SHISA6: variants seen among roughly 807,000 people sequenced by gnomAD.
The protein encoded by SHISA6 is protein shisa-6.
In SHISA6, 22 loss-of-function variants were observed where a neutral mutation model predicts 47.9. The observed-to-expected ratio is 0.46, with a 90% confidence interval of 0.33 to 0.66. The LOEUF is 0.66. SHISA6 is among the 30% of genes least tolerant of loss of function. The pLI is 0.02. For synonymous variants in SHISA6, 388 were observed against 337.8 expected, an observed-to-expected ratio of 1.15 and a Z score of -1.63; for missense variants, 680 against 764.6, an observed-to-expected ratio of 0.89 and a Z score of 1.30.
At position 11,488,497 on chromosome 17, in the gene SHISA6, G is replaced by GA. The variant is rs370929753; in HGVS notation, c.896-63393dup. ...AGATCAACTCAAACTGGACTAAGCA[G>GA]AAAAAACATTATTTTTTCGTGGAAT... On this transcript the variant is annotated intron_variant, in intron 3 of 5. Coordinates refer to ENST00000441885, the MANE Select transcript of SHISA6 (RefSeq NM_207386.4). Among the ~76,000 whole-genome samples the GA allele has an allele frequency of 3.1e-4, 47 of 152,226 alleles. 1 individual carries two copies. The highest frequency in any genetic ancestry group is 1.0e-3 in the African/African-American group (43 of 41,548).
chr17:11,380,193 A>G (rs1476889410), intron 3 of SHISA6: 1 of 152,222 alleles, frequency 6.6e-6, no homozygotes, highest in South Asian at 2.1e-4. Context: ...CTGGATCCCT[A>G]ACTCCTTTAA....
chr17:11,519,779 C>T (rs1004773326), intron 3 of SHISA6, among the ~76,000 whole-genome samples: 17 of 152,184 alleles, frequency 1.1e-4, no homozygotes, highest in African/African-American at 3.4e-4. Context: ...AAGCCTGCTC[C>T]AGCTGAGGTC....
At chr17:11,242,522 C>T (rs1031555710) in intron 1 of SHISA6, among the ~76,000 whole-genome samples, 8 of 152,254 alleles carry the variant, frequency 5.3e-5, no homozygotes, top group African/African-American at 7.2e-5. Flanking sequence ...CTGAGATGTT[C>T]TCGTACATTA....
In SHISA6 at chr17:11,558,085, C is replaced by T. The variant is rs367869703; in HGVS notation, c.1437C>T (p.Asp479=). The T allele has an allele frequency of 1.5e-5, 23 of 1,551,520 alleles. No individual in the cohort carries two copies. The highest frequency in any genetic ancestry group is 1.2e-4 in the African/African-American group (9 of 73,074). ...TGTCCAGGGCCATCTCGCACACGGA[C>T]GTCTTTGTGTCCACACCCGTGCTGG... The part of the protein sequence containing the change: ...QSLSRAISHT[D]VFVSTPVLDR... The change falls in exon 6 of 6, where the codon GAC becomes GAT. Residue 479 remains aspartate, a synonymous_variant. Transcript: ENST00000441885.
intron 3 of SHISA6, among the ~76,000 whole-genome samples, chr17:11,396,723 C>T (rs914011351): frequency 6.6e-6 from 1 of 152,094 alleles, no homozygotes; most frequent in African/African-American, 2.4e-5. Flanking sequence ...AAGGGAACAT[C>T]ACACACCAGG....
intron 3 of SHISA6, among the ~76,000 whole-genome samples, chr17:11,516,229 G>A (rs2071584651): frequency 6.6e-6 from 1 of 152,186 alleles, no homozygotes; most frequent in Non-Finnish European, 1.5e-5. Context: ...AAGGATTGGT[G>A]ACAGGAAGCT....
intron 1 of SHISA6, among the ~76,000 whole-genome samples, chr17:11,257,122 A>G (rs1236487161): frequency 6.6e-6 from 1 of 152,198 alleles, no homozygotes; most frequent in Non-Finnish European, 1.5e-5. Flanking sequence ...GCCTCTCTGT[A>G]TGAGGAGAGC....
At chr17:11,432,462 G>A (rs1914807930) in intron 3 of SHISA6, among the ~76,000 whole-genome samples, 1 of 152,200 alleles carries the variant, frequency 6.6e-6, no homozygotes, top group Non-Finnish European at 1.5e-5. Flanking sequence ...CTAAACCCTA[G>A]GGCCACTGCA....
intron 2 of SHISA6, among the ~76,000 whole-genome samples, chr17:11,358,335 T>C (rs1489017323): frequency 6.6e-6 from 1 of 152,124 alleles, no homozygotes; most frequent in Non-Finnish European, 1.5e-5. Context: ...TGCCATTAAG[T>C]TTCATCCATG....
chr17:11,533,506 C>G (rs2071755390), intron 3 of SHISA6, among the ~76,000 whole-genome samples: 1 of 151,954 alleles, frequency 6.6e-6, no homozygotes, highest in South Asian at 2.1e-4. Flanking sequence ...CTCCCCTGGC[C>G]TCTCTCCCCA....
At chr17:11,526,973 G>A (rs570117499) in intron 3 of SHISA6, among the ~76,000 whole-genome samples, 4 of 92,858 alleles carry the variant, frequency 4.3e-5, no homozygotes, top group Admixed American at 2.6e-4. Flanking sequence ...GCTATCCATC[G>A]CCTTGATAGC....
chr17:11,340,708 C>A (rs34683033), intron 2 of SHISA6, among the ~76,000 whole-genome samples: 1 of 152,104 alleles, frequency 6.6e-6, no homozygotes, highest in Admixed American at 6.5e-5. Flanking sequence ...GAGTCTGCTG[C>A]ATCACCTCCA....
intron 3 of SHISA6, among the ~76,000 whole-genome samples, chr17:11,501,462 A>G (rs756982165): frequency 7.9e-5 from 12 of 152,158 alleles, no homozygotes; most frequent in Non-Finnish European, 1.6e-4. Flanking sequence ...TGCTATTTTC[A>G]AGACAACAAA....
chr17:11,490,013 C>T (rs1237292512), intron 3 of SHISA6, among the ~76,000 whole-genome samples: 1 of 152,094 alleles, frequency 6.6e-6, no homozygotes, highest in African/African-American at 2.4e-5. Context: ...TTTCTGTCCT[C>T]AGCTACAGGC....
At chr17:11,418,522 C>T (rs1264465648) in intron 3 of SHISA6, among the ~76,000 whole-genome samples, 1 of 152,134 alleles carries the variant, frequency 6.6e-6, no homozygotes, top group East Asian at 1.9e-4. Flanking sequence ...AGATGCTTGG[C>T]AACCCTCTTA....
intron 2 of SHISA6, among the ~76,000 whole-genome samples, chr17:11,361,055 TTG>T (rs71367324): frequency 0.26 from 22,814 of 86,378 alleles, 1,876 homozygotes; most frequent in Middle Eastern, 0.39. Flanking sequence ...GTTTTTTTTT[TTG>T]TGTGTGTGTT....
chr17:11,359,850 G>A (rs1400313029), intron 2 of SHISA6, among the ~76,000 whole-genome samples: 3 of 152,122 alleles, frequency 2.0e-5, no homozygotes, highest in Admixed American at 6.5e-5. Context: ...AAATAAGAAC[G>A]CTTTTACACT....
intron 3 of SHISA6, among the ~76,000 whole-genome samples, chr17:11,411,864 G>GCATTCAGGATTCTAATAGGTGTGTT (rs1257444147): frequency 3.9e-5 from 6 of 152,156 alleles, no homozygotes; most frequent in African/African-American, 1.4e-4. Context: ...CCACGCACGT[G>GCATTCAGGATTCTAATAGGTGTGTT]CATTCAGGAT....
chr17:11,486,583 T>G (rs1247777718), intron 3 of SHISA6, among the ~76,000 whole-genome samples: 1 of 152,228 alleles, frequency 6.6e-6, no homozygotes, highest in Non-Finnish European at 1.5e-5. Flanking sequence ...GTCAGAGACT[T>G]CAGCCCTGCG....
Sources: gnomAD v4.1 joint callset for allele counts (sites outside exome capture counted in the v4.1 genomes callset) on GRCh38, gnomAD v4.1.1 for gene constraint, MANE v1.5 for transcripts, NCBI Gene and HGNC (gene_info 2026-07-23, HGNC 2026-07-21) for gene names.